DNAH6: variants seen among roughly 807,000 people sequenced by gnomAD.
DNAH6 encodes the protein dynein axonemal heavy chain 6.
DNAH6 carries 340 observed loss-of-function variants against 491.4 expected under a neutral mutation model. The ratio of observed to expected loss-of-function variants is 0.69; its 90% CI spans 0.63 to 0.76. The LOEUF (loss-of-function observed/expected upper bound fraction) is 0.76, where lower values mean the gene tolerates loss of function less well. Among genes scored for constraint, DNAH6 ranks in the 30% least tolerant of loss-of-function variants. DNAH6 has a pLI of 0.00. For synonymous variants in DNAH6, 1,603 were observed against 1,686.1 expected (o/e 0.95, Z 1.21); for missense variants, 4,443 against 4,972.2 (o/e 0.89, Z 3.20).
chr2:84,626,379 A>G (rs1338739785), intron 29 of DNAH6, among the ~76,000 whole-genome samples: 1 of 152,200 alleles, frequency 6.6e-6, no homozygotes. Flanking sequence ...TTATGTCTTC[A>G]CTGCTTTGTC....
At position 84,582,866 on chromosome 2, in the gene DNAH6, T is replaced by TG. The variant is rs1464439448; in HGVS notation, c.2230-1132dup. Among the ~76,000 whole-genome samples, 5 of 152,270 alleles carry TG rather than the reference T, an allele frequency of 3.3e-5. No individual in the cohort carries two copies. The East Asian group carries it at 9.6e-4, about 29-fold the overall frequency. On this transcript the variant is annotated intron_variant, in intron 14 of 76. Coordinates refer to ENST00000389394, the MANE Select transcript of DNAH6 (RefSeq NM_001370.2). ...ATCTTCTCGTGTTAATGACCTGTTA[T>TG]GTTTCCACATAAAAGTAAATGGCCT...
rs147725081 is a variant in DNAH6 at position 84,517,986 on chromosome 2, A to C, written c.160A>C (p.Arg54=). Residue 54 remains arginine (R), a synonymous_variant, in exon 2 of 77, where the codon AGG becomes CGG. Coordinates refer to ENST00000389394, the MANE Select transcript of DNAH6 (RefSeq NM_001370.2). ...NESDTQILTF[R]HITKAQEKTR... ...ATCTGATACACAAATCCTAACGTTT[A>C]GGCACATTACAAAAGCTCAGGAGAA... 115 of 1,552,090 alleles carry C rather than the reference A, an allele frequency of 7.4e-5. No individual in the cohort carries two copies. In the African/African-American group the frequency reaches 1.3e-3, roughly 18 times the overall value.
At chr2:84,540,710 T>A (rs1678164855) in intron 4 of DNAH6, among the ~76,000 whole-genome samples, 1 of 152,174 alleles carries the variant, frequency 6.6e-6, no homozygotes, top group Admixed American at 6.5e-5. Flanking sequence ...GGGACACACA[T>A]ACTTTTAGAA....
chr2:84,813,911 A>G (rs1342122424), intron 74 of DNAH6, 60 bp from the exon 75 acceptor site: 3 of 1,524,782 alleles, frequency 2.0e-6, no homozygotes, highest in East Asian at 2.5e-5. Context: ...ATGAAGGGGA[A>G]TAGTGCCTGG....
intron 18 of DNAH6, among the ~76,000 whole-genome samples, chr2:84,601,900 GAAAATTGTTT>G (rs1209302650): frequency 4.6e-5 from 7 of 151,594 alleles, no homozygotes; most frequent in Non-Finnish European, 3.0e-5. Flanking sequence ...CAATTTTTTA[GAAAATTGTTT>G]AAAATTGTTA....
chr2:84,769,163 C>A (rs1192166907), intron 64 of DNAH6, among the ~76,000 whole-genome samples: 1 of 152,214 alleles, frequency 6.6e-6, no homozygotes, highest in African/African-American at 2.4e-5. Flanking sequence ...TAAGGGAGAG[C>A]CATGGGGATG....
upstream of DNAH6, among the ~76,000 whole-genome samples, chr2:84,512,048 T>G (rs1001868938): frequency 1.3e-5 from 2 of 152,236 alleles, no homozygotes; most frequent in African/African-American, 4.8e-5. Context: ...TCATGTGCCC[T>G]TGAAAAGAAA....
chr2:84,733,431 T>C lies in DNAH6; in HGVS notation c.10207-13T>C, dbSNP rs1174122835. On this transcript the variant is annotated splice_polypyrimidine_tract_variant and intron_variant, in intron 61 of 76. Transcript: ENST00000389394. ...CCTTTGTGAATTATTATTCATTTTC[T>C]GTCTTCAAACAGGAACGCCCACCTA... 2.6e-6 allele frequency: 4 copies of C among 1,546,564 alleles called. No individual in the cohort carries two copies. Among genetic ancestry groups the C allele is most frequent in the Non-Finnish European group, 3.5e-6 (4 of 1,144,134 alleles).
At chr2:84,742,673 T>G (rs1437672035) in intron 62 of DNAH6, among the ~76,000 whole-genome samples, 4 of 152,196 alleles carry the variant, frequency 2.6e-5, no homozygotes, top group Admixed American at 1.3e-4. Flanking sequence ...TCCTTTTTTC[T>G]TCTTTCTTCT....
intron 70 of DNAH6, among the ~76,000 whole-genome samples, chr2:84,797,995 C>T (rs1048802821): frequency 6.6e-6 from 1 of 152,178 alleles, no homozygotes; most frequent in Non-Finnish European, 1.5e-5. Context: ...CCTTCTTCTA[C>T]CAGGCTGGGC....
intron 12 of DNAH6, among the ~76,000 whole-genome samples, chr2:84,574,996 TC>T (rs1212188890): frequency 6.6e-6 from 1 of 152,044 alleles, no homozygotes; most frequent in East Asian, 1.9e-4. Context: ...TGAAACCCAA[TC>T]CTGGAACCAG....
intron 29 of DNAH6, among the ~76,000 whole-genome samples, chr2:84,626,704 G>A (rs1218648910): frequency 6.6e-6 from 1 of 152,136 alleles, no homozygotes; most frequent in Admixed American, 6.5e-5. Flanking sequence ...CCGGGTTCAA[G>A]CAGTTCTCTG....
intron 64 of DNAH6, among the ~76,000 whole-genome samples, chr2:84,764,263 T>C (rs141106169): frequency 5.4e-4 from 82 of 152,276 alleles, no homozygotes; most frequent in Middle Eastern, 3.4e-3. Context: ...TACAGACTTA[T>C]TAAGAGTTTC....
At chr2:84,632,162 T>C (rs13411562) in intron 29 of DNAH6, among the ~76,000 whole-genome samples, 20,964 of 152,218 alleles carry the variant, frequency 0.14, 2,233 homozygotes, top group African/African-American at 0.3. Flanking sequence ...CAAGCATTCC[T>C]GCGTTCATGA....
intron 4 of DNAH6, among the ~76,000 whole-genome samples, chr2:84,535,544 A>G (rs1677603312): frequency 6.6e-6 from 1 of 151,936 alleles, no homozygotes; most frequent in East Asian, 1.9e-4. Flanking sequence ...CTGTTTTTAG[A>G]TTAGTATCAG....
chr2:84,653,452 C>G lies in DNAH6; in HGVS notation c.5212C>G (p.Gln1738Glu), dbSNP rs1169850815. The G allele has an allele frequency of 6.4e-7, 1 of 1,551,078 alleles. No individual in the cohort carries two copies. Among genetic ancestry groups the G allele is most frequent in the Non-Finnish European group, 8.7e-7 (1 of 1,146,678 alleles). ...GATGTGTATGGTTAGAAAGGTGATA[C>G]AGTTTTATGAAACTATGCTAGTAAG... ...PEMCMVRKVI[Q>E]FYETMLVRHG... Residue 1738 changes from glutamine (Q) to glutamate (E), a missense_variant, in exon 34 of 77, where the codon CAG (glutamine) becomes GAG (glutamate). By Grantham distance (29) the Gln-to-Glu change is conservative. Around this residue, in one of 3 missense-constraint regions of DNAH6, gnomAD observed 2,977 missense variants for 3,296.6 expected, o/e 0.90. Transcript: ENST00000389394.
chr2:84,598,962 G>A (rs1310928094), intron 18 of DNAH6, among the ~76,000 whole-genome samples: 2 of 151,434 alleles, frequency 1.3e-5, no homozygotes, highest in Non-Finnish European at 2.9e-5. Flanking sequence ...CCTGGGAGGT[G>A]GAGGTTTCAG....
At position 84,611,776 on chromosome 2, in the gene DNAH6, C is replaced by A. The variant is rs1370948490; in HGVS notation, c.3397C>A (p.Gln1133Lys). 1.9e-6 allele frequency: 3 copies of A among 1,551,238 alleles called. No homozygotes were observed. Among genetic ancestry groups the A allele is most frequent in the Non-Finnish European group, 2.6e-6 (3 of 1,146,678 alleles). ...QLPAEAKMFL[Q>K]VDKSWKEIMR... ...GCCTGCAGAGGCCAAGATGTTCCTT[C>A]AGGTGGATAAGTCATGGAAAGAAAT... is the stretch of plus-strand genomic sequence containing the variant. Residue 1133 changes from glutamine (Q) to lysine (K), a missense_variant, in exon 22 of 77, where the codon CAG (glutamine) becomes AAG (lysine). Transcript: ENST00000389394.
chr2:84,667,089 A>G (rs1418664546), intron 37 of DNAH6, among the ~76,000 whole-genome samples: 3 of 152,192 alleles, frequency 2.0e-5, no homozygotes. Flanking sequence ...CTTATACAAA[A>G]ATTAATTTCA....
Sources: gnomAD v4.1 joint callset for allele counts (sites outside exome capture counted in the v4.1 genomes callset) on GRCh38, gnomAD v4.1.1 for gene constraint, gnomAD v4.1.1 regional missense constraint, MANE v1.5 for transcripts, NCBI Gene and HGNC (gene_info 2026-07-23, HGNC 2026-07-21) for gene names.